The following KCNMA1 variants were observed in gnomAD, a reference collection of about 807,000 sequenced individuals.
The protein encoded by KCNMA1 is potassium calcium-activated channel subfamily M alpha 1, also known as Calcium-activated potassium channel subunit alpha-1.
Under a neutral mutation model 140.0 loss-of-function variants are expected in KCNMA1, and 29 were observed. The observed-to-expected ratio is 0.21, with a 90% CI of 0.15 to 0.28. The LOEUF is 0.28. KCNMA1 is among the 10% of genes least tolerant of loss of function. KCNMA1 has a pLI of 1.00. For synonymous variants in KCNMA1, 612 were observed against 611.9 expected (o/e 1.00, Z 0.00); for missense variants, 880 against 1,602.2 (o/e 0.55, Z 7.70).
chr10:77,507,177 GT>G (rs1454498069), intron 1 of KCNMA1, among the ~76,000 whole-genome samples: 1 of 152,258 alleles, frequency 6.6e-6, no homozygotes, highest in East Asian at 1.9e-4. Context: ...TGAATTATTA[GT>G]TTTTTATTAA....
Position 77,317,461 on chromosome 10 carries a change from G to A in KCNMA1, c.541-66205C>T, listed in dbSNP as rs867593336. On this transcript the variant is annotated intron_variant, in intron 2 of 27. Transcript: ENST00000286628. The stretch of plus-strand genomic sequence containing the variant: ...AGGGACAAGTGTGGTTTCATCGGGA[G>A]TGTTATGCTCAGATGAGTATTGGAG... 7.9e-5 allele frequency among the ~76,000 whole-genome samples: 12 copies of A among 152,346 alleles called. No individual in the cohort carries two copies. In the Middle Eastern group the frequency reaches 0.01, roughly 130 times the overall value.
chr10:77,053,645 G>C (rs916351561), intron 14 of KCNMA1, among the ~76,000 whole-genome samples: 6 of 152,198 alleles, frequency 3.9e-5, no homozygotes, highest in African/African-American at 1.4e-4. Flanking sequence ...ACTGTAGGTA[G>C]GGATGCCTTT....
intron 2 of KCNMA1, among the ~76,000 whole-genome samples, chr10:77,260,239 A>G (rs1600348231): frequency 6.6e-6 from 1 of 152,170 alleles, no homozygotes; most frequent in East Asian, 1.9e-4. Flanking sequence ...GCTGAGGTTG[A>G]GAATAGAAGA....
At chr10:77,478,342 G>A (rs1456258127) in intron 1 of KCNMA1, among the ~76,000 whole-genome samples, 1 of 152,152 alleles carries the variant, frequency 6.6e-6, no homozygotes, top group African/African-American at 2.4e-5. Flanking sequence ...GCAGATGAAC[G>A]CTCTGCTCAT....
rs539335485 is a variant in KCNMA1, at chr10:77,003,785, A to G, written c.2093-2205T>C. 3.9e-5 allele frequency among the ~76,000 whole-genome samples: 6 copies of G among 152,324 alleles called. No homozygotes were observed. The South Asian group carries it at 1.2e-3, about 32-fold the overall frequency. ...TTGTGGAGAAAGAAAGTTCTTATAA[A>G]TATACCGTCTTTAAGGATAAGGGGA... On this transcript the variant is annotated intron_variant, in intron 18 of 27. Transcript: ENST00000286628.
intron 11 of KCNMA1, among the ~76,000 whole-genome samples, chr10:77,085,866 T>C (rs1237986605): frequency 6.6e-6 from 1 of 152,186 alleles, no homozygotes; most frequent in East Asian, 1.9e-4. Context: ...AAGTAGCAGA[T>C]GCCATTTTGC....
rs189334867 is a variant in KCNMA1 at position 77,311,931 on chromosome 10, C to T, written c.541-60675G>A. ...GTGCACGGGTTTCCTGGGGCTCACACAAGCCATCCAACATGACAGGTGAGC... is the reference window on the plus strand; with the variant it reads ...GTGCACGGGTTTCCTGGGGCTCACATAAGCCATCCAACATGACAGGTGAGC... On this transcript the variant is annotated intron_variant, in intron 2 of 27. Coordinates refer to ENST00000286628, the MANE Select transcript of KCNMA1 (RefSeq NM_001161352.2). Among the ~76,000 whole-genome samples the T allele has an allele frequency of 9.8e-5, 15 of 152,378 alleles. No individual in the cohort carries two copies. In the East Asian group the frequency reaches 2.9e-3, roughly 29 times the overall value.
chr10:77,302,122 G>A (rs368626881), intron 2 of KCNMA1, among the ~76,000 whole-genome samples: 30 of 152,112 alleles, frequency 2.0e-4, no homozygotes, highest in African/African-American at 6.5e-4. Flanking sequence ...AATCAGGCTC[G>A]CATAAGGTCA....
At chr10:77,144,098 T>C (rs1038633017) in intron 5 of KCNMA1, among the ~76,000 whole-genome samples, 7 of 152,098 alleles carry the variant, frequency 4.6e-5, no homozygotes, top group Non-Finnish European at 8.8e-5. Flanking sequence ...AAAATATATG[T>C]CCACAAAATC....
intron 1 of KCNMA1, among the ~76,000 whole-genome samples, chr10:77,624,473 A>C (rs2092148975): frequency 6.6e-6 from 1 of 152,148 alleles, no homozygotes; most frequent in Non-Finnish European, 1.5e-5. Context: ...TGTAATTCTT[A>C]AATATGTCAT....
chr10:76,954,700 T>G (rs554289014), intron 20 of KCNMA1, among the ~76,000 whole-genome samples: 1 of 152,180 alleles, frequency 6.6e-6, no homozygotes, highest in Non-Finnish European at 1.5e-5. Context: ...CTGCTGCATA[T>G]CTTAGATGAG....
At chr10:76,986,016 C>T (rs2081176128) in intron 19 of KCNMA1, among the ~76,000 whole-genome samples, 1 of 152,070 alleles carries the variant, frequency 6.6e-6, no homozygotes, top group Non-Finnish European at 1.5e-5. Context: ...GATCAAAGGG[C>T]CCCGGTAAAT....
intron 1 of KCNMA1, chr10:77,636,436 C>T: frequency 2.0e-6 from 3 of 1,536,200 alleles, no homozygotes; most frequent in Non-Finnish European, 2.6e-6. Context: ...AGACGCTCCG[C>T]GTAAAACCGC....
chr10:77,532,557 A>C (rs549619123), intron 1 of KCNMA1, among the ~76,000 whole-genome samples: 132 of 152,330 alleles, frequency 8.7e-4, no homozygotes, highest in Admixed American at 1.6e-3. Context: ...AATTTTATCC[A>C]AGAACCAGCC....
intron 1 of KCNMA1, among the ~76,000 whole-genome samples, chr10:77,594,764 G>A (rs1295801562): frequency 1.3e-5 from 2 of 152,210 alleles, no homozygotes; most frequent in African/African-American, 4.8e-5. Flanking sequence ...TAGATGGACT[G>A]GAAGATCAAG....
chr10:77,037,192 A>G (rs1340275569), intron 15 of KCNMA1, among the ~76,000 whole-genome samples: 1 of 152,172 alleles, frequency 6.6e-6, no homozygotes, highest in East Asian at 1.9e-4. Flanking sequence ...CACACCACCC[A>G]GTGGGTCAGG....
chr10:77,330,283 A>C (rs571908137), intron 2 of KCNMA1, among the ~76,000 whole-genome samples: 14 of 152,306 alleles, frequency 9.2e-5, no homozygotes, highest in African/African-American at 3.1e-4. Flanking sequence ...CTCAGTCCAC[A>C]TCACAACAGA....
intron 1 of KCNMA1, among the ~76,000 whole-genome samples, chr10:77,602,029 A>G (rs1239397075): frequency 1.3e-5 from 2 of 152,190 alleles, no homozygotes; most frequent in African/African-American, 4.8e-5. Context: ...GGCACTGAGA[A>G]TGAGACTGTC....
intron 1 of KCNMA1, among the ~76,000 whole-genome samples, chr10:77,427,090 T>TG (rs1348684742): frequency 2.0e-5 from 3 of 152,228 alleles, no homozygotes; most frequent in Admixed American, 1.3e-4. Context: ...ATCTAGCACA[T>TG]GCAATTTCTG....
Sources: gnomAD v4.1 joint callset for allele counts (sites outside exome capture counted in the v4.1 genomes callset) on GRCh38, gnomAD v4.1.1 for gene constraint, MANE v1.5 for transcripts, NCBI Gene and HGNC (gene_info 2026-07-23, HGNC 2026-07-21) for gene names.